TMOD1: variants seen among roughly 807,000 people sequenced by gnomAD.
TMOD1 encodes tropomodulin-1.
TMOD1 carries 17 observed loss-of-function variants against 40.6 expected under a neutral mutation model. The ratio of observed to expected loss-of-function variants is 0.42; its 90% confidence interval spans 0.29 to 0.63. The LOEUF is 0.63. TMOD1 is among the 20% of genes least tolerant of loss of function. The pLI, the probability that TMOD1 is intolerant of heterozygous loss-of-function variation, is 0.22. For missense variants in TMOD1, 391 were observed against 447.6 expected (o/e 0.87, Z 1.14); for synonymous variants, 181 against 175.0 (o/e 1.03, Z -0.27).
chr9:97,591,582 T>C (rs560790963), intron 9 of TMOD1, 147 bp downstream of exon 9: 1 of 1,046,044 alleles, frequency 9.6e-7, no homozygotes, highest in East Asian at 2.4e-5. Context: ...TTGTTTTCTG[T>C]GTTTGTACCT....
At chr9:97,536,623 G>A (rs964275354) in intron 2 of TMOD1, among the ~76,000 whole-genome samples, 3 of 152,144 alleles carry the variant, frequency 2.0e-5, no homozygotes, top group African/African-American at 7.2e-5. Context: ...TGTTCCCAGA[G>A]GACGGCAGTC....
At chr9:97,575,239 C>A (rs191366025) in intron 8 of TMOD1, among the ~76,000 whole-genome samples, 114 of 152,236 alleles carry the variant, frequency 7.5e-4, no homozygotes, top group Admixed American at 2.2e-3. Flanking sequence ...AGAGGCTCCG[C>A]CTTAAGAGCT....
intron 2 of TMOD1, 91 bp from the exon 3 acceptor site, chr9:97,546,094 C>G (rs1734503313): frequency 6.9e-7 from 1 of 1,439,954 alleles, no homozygotes; most frequent in African/African-American, 1.4e-5. Flanking sequence ...TGATGAGTTT[C>G]TGGAGAAGTG....
chr9:97,510,581 C>A (rs150109608), intron 1 of TMOD1, among the ~76,000 whole-genome samples: 205 of 152,312 alleles, frequency 1.3e-3, no homozygotes, highest in African/African-American at 4.7e-3. Flanking sequence ...GCTATCAAAG[C>A]TAATAATAAT....
intron 2 of TMOD1, among the ~76,000 whole-genome samples, chr9:97,527,300 C>T (rs1192857027): frequency 2.0e-5 from 3 of 152,216 alleles, no homozygotes; most frequent in South Asian, 2.1e-4. Context: ...AAATGTGACT[C>T]GGTTACCTGC....
At chr9:97,546,937 A>C (rs1265677665) in intron 3 of TMOD1, among the ~76,000 whole-genome samples, 1 of 151,018 alleles carries the variant, frequency 6.6e-6, no homozygotes, top group Non-Finnish European at 1.5e-5. Context: ...TCCAAAAAAA[A>C]AAAAAAAAAA....
chr9:97,559,786 A>ATAT (rs1830592663), intron 4 of TMOD1, among the ~76,000 whole-genome samples: 2 of 56,496 alleles, frequency 3.5e-5, no homozygotes, highest in Non-Finnish European at 6.1e-5. Flanking sequence ...AAAAAAAAAA[A>ATAT]AAAAAAAAAT....
chr9:97,528,668 G>A (rs997673263), intron 2 of TMOD1, among the ~76,000 whole-genome samples: 5 of 152,206 alleles, frequency 3.3e-5, no homozygotes, highest in Non-Finnish European at 5.9e-5. Flanking sequence ...CACAGGGAGA[G>A]GCCAAAGATA....
rs544397281 is a variant in TMOD1 at position 97,596,282 on chromosome 9, C to T, written c.1016-3352C>T. Among the ~76,000 whole-genome samples, 72 of 152,228 alleles carry T rather than the reference C, an allele frequency of 4.7e-4. 1 individual carries two copies. The highest frequency in any genetic ancestry group is 9.7e-4 in the East Asian group (5 of 5,160). Reference sequence around the variant, plus strand: ...CCCAGCTCCTCCAGGGCAGGCACCCCTGGCACTCATCCCAAGTCTCCTTCC... The same window carrying T: ...CCCAGCTCCTCCAGGGCAGGCACCCTTGGCACTCATCCCAAGTCTCCTTCC... On this transcript the variant is annotated intron_variant, in intron 9 of 9. Transcript: ENST00000259365.
intron 2 of TMOD1, among the ~76,000 whole-genome samples, chr9:97,545,190 TGAA>T (rs747153084): frequency 6.6e-6 from 1 of 152,194 alleles, no homozygotes; most frequent in Non-Finnish European, 1.5e-5. Flanking sequence ...CTCGTAAATC[TGAA>T]GAAGAACGCT....
chr9:97,591,523 C>T, intron 9 of TMOD1, 88 bp downstream of exon 9: 1 of 1,436,956 alleles, frequency 7.0e-7, no homozygotes, highest in Non-Finnish European at 9.5e-7. Flanking sequence ...TCTGTAGATG[C>T]CTCTCCGAGT....
intron 8 of TMOD1, among the ~76,000 whole-genome samples, chr9:97,590,124 T>G (rs1255164614): frequency 6.6e-6 from 1 of 152,068 alleles, no homozygotes; most frequent in Non-Finnish European, 1.5e-5. Flanking sequence ...TGGCCAAGGA[T>G]TTGCACCATC....
chr9:97,589,676 C>A (rs962029628), intron 8 of TMOD1, among the ~76,000 whole-genome samples: 1 of 152,062 alleles, frequency 6.6e-6, no homozygotes, highest in African/African-American at 2.4e-5. Context: ...TTACTTTGTC[C>A]TTTGCAGTCT....
intron 2 of TMOD1, among the ~76,000 whole-genome samples, chr9:97,539,971 C>CAAAAAAAAAAAAAAAAAAAAA (rs34844299): frequency 9.7e-5 from 7 of 71,924 alleles, no homozygotes; most frequent in South Asian, 1.1e-3. Flanking sequence ...GACTCTGTCT[C>CAAAAAAAAAAAAAAAAAAAAA]AAAAAAAAAA....
intron 8 of TMOD1, among the ~76,000 whole-genome samples, chr9:97,574,957 C>G (rs1310720352): frequency 6.6e-6 from 1 of 152,152 alleles, no homozygotes; most frequent in Non-Finnish European, 1.5e-5. Context: ...ATGGACCAGT[C>G]GGCTCTCTGT....
intron 8 of TMOD1, among the ~76,000 whole-genome samples, chr9:97,586,843 A>G (rs1369964854): frequency 6.6e-6 from 1 of 152,216 alleles, no homozygotes; most frequent in Non-Finnish European, 1.5e-5. Flanking sequence ...CAGGTGAGGC[A>G]ATGCCTCGCC....
At chr9:97,583,991 C>CATAG (rs1433349496) in intron 8 of TMOD1, among the ~76,000 whole-genome samples, 1 of 151,412 alleles carries the variant, frequency 6.6e-6, no homozygotes, top group Non-Finnish European at 1.5e-5. Flanking sequence ...TTTTTTTTGT[C>CATAG]TCTATTTCCT....
chr9:97,562,664 A>C, intron 4 of TMOD1, 68 bp from the exon 5 acceptor site: 1 of 1,186,268 alleles, frequency 8.4e-7, no homozygotes, highest in East Asian at 2.9e-5. Context: ...CGGGGTTTGG[A>C]GTGTGGGTCC....
chr9:97,546,439 G>A (rs1188040011), intron 3 of TMOD1, 98 bp downstream of exon 3: 1 of 1,317,920 alleles, frequency 7.6e-7, no homozygotes, highest in Non-Finnish European at 1.0e-6. Flanking sequence ...TGGGCCAAAT[G>A]TGACTGGGCC....
Sources: allele counts gnomAD v4.1 joint callset (sites outside exome capture counted in the v4.1 genomes callset), GRCh38; gene constraint gnomAD v4.1.1; transcripts MANE v1.5; gene names NCBI Gene and HGNC (gene_info 2026-07-23, HGNC 2026-07-21).